Variants in NUFIP1 observed in about 807,000 individuals in gnomAD.
NUFIP1 encodes nuclear FMR1 interacting protein 1, also known as FMR1-interacting protein NUFIP1.
Under a neutral mutation model 56.2 loss-of-function variants are expected in NUFIP1, and 38 were observed. That is an observed-to-expected ratio of 0.68 (90% CI 0.52 to 0.89). The LOEUF (loss-of-function observed/expected upper bound fraction) is 0.89. Ranked by LOEUF, NUFIP1 falls within the 40% of genes least tolerant of loss-of-function variation. The pLI, the probability that NUFIP1 is intolerant of heterozygous loss-of-function variation, is 0.00. For synonymous variants in NUFIP1, 215 were observed against 212.4 expected (o/e 1.01, Z -0.10); for missense variants, 567 against 605.8 (o/e 0.94, Z 0.67).
At chr13:44,982,335 T>G (rs1479775137) in intron 1 of NUFIP1, among the ~76,000 whole-genome samples, 181 bp from the exon 2 acceptor site, 2 of 152,144 alleles carry the variant, frequency 1.3e-5, no homozygotes, top group Non-Finnish European at 2.9e-5. Context: ...AAATGACTAT[T>G]TTTCAAACAA....
intron 6 of NUFIP1, among the ~76,000 whole-genome samples, chr13:44,963,575 T>A: frequency 6.6e-6 from 1 of 152,216 alleles, no homozygotes. Flanking sequence ...TTTGCTAATA[T>A]GTCTTTTTTA....
At chr13:44,974,474 G>A (rs575394699) in intron 5 of NUFIP1, among the ~76,000 whole-genome samples, 15 of 152,228 alleles carry the variant, frequency 9.9e-5, no homozygotes, top group Admixed American at 7.8e-4. Flanking sequence ...AGAGGAGTAT[G>A]TCCAACTTTA....
At chr13:44,982,386 C>T (rs138010545) in intron 1 of NUFIP1, among the ~76,000 whole-genome samples, 210 of 152,178 alleles carry the variant, frequency 1.4e-3, no homozygotes, top group African/African-American at 4.8e-3. Context: ...AAACTTTAGG[C>T]GTCAAAGTGC....
intron 7 of NUFIP1, among the ~76,000 whole-genome samples, chr13:44,952,262 T>G (rs186070935): frequency 2.2e-4 from 33 of 152,134 alleles, no homozygotes; most frequent in Admixed American, 6.6e-4. Flanking sequence ...GTAGCTGGAA[T>G]TACAGGCACG....
At position 44,956,345 on chromosome 13, in the gene NUFIP1, C is replaced by T. The variant is rs377550209; in HGVS notation, c.1021+3036G>A. ...TTAAAGAACCTATGGCCTAAAACAA[C>T]GGTCCCCAGCCTTTCTGGCACGAGG... On this transcript the variant is annotated intron_variant, in intron 7 of 9. Coordinates refer to ENST00000379161, the MANE Select transcript of NUFIP1 (RefSeq NM_012345.3). Among the ~76,000 whole-genome samples, 72 of 152,142 alleles carry T rather than the reference C, an allele frequency of 4.7e-4. 1 individual carries two copies. The highest frequency in any genetic ancestry group is 1.6e-3 in the African/African-American group (66 of 41,534).
At chr13:44,956,738 C>G (rs1181079552) in intron 7 of NUFIP1, among the ~76,000 whole-genome samples, 1 of 152,142 alleles carries the variant, frequency 6.6e-6, no homozygotes, top group African/African-American at 2.4e-5. Context: ...GGTAGTAAGG[C>G]AGGCAATAGG....
chr13:44,985,273 T>A (rs1024044959), intron 1 of NUFIP1, among the ~76,000 whole-genome samples: 1 of 152,212 alleles, frequency 6.6e-6, no homozygotes, highest in Non-Finnish European at 1.5e-5. Context: ...ATCTGCTCCA[T>A]CCACATTCTT....
chr13:44,969,594 C>T (rs1360225392), intron 5 of NUFIP1, among the ~76,000 whole-genome samples: 3 of 152,168 alleles, frequency 2.0e-5, no homozygotes, highest in African/African-American at 4.8e-5. Flanking sequence ...TATCTTTCCT[C>T]AGTTCACTAA....
At chr13:44,943,376 A>ACACACACACACACACC in intron 9 of NUFIP1, 66 bp downstream of exon 9, 2 of 1,301,778 alleles carry the variant, frequency 1.5e-6, no homozygotes, top group African/African-American at 2.9e-5. Context: ...ACACACACAC[A>ACACACACACACACACC]CCCCAGTGGC....
intron 7 of NUFIP1, among the ~76,000 whole-genome samples, chr13:44,954,691 G>A (rs1871170972): frequency 6.6e-6 from 1 of 152,036 alleles, no homozygotes; most frequent in South Asian, 2.1e-4. Flanking sequence ...TCTAGCCCAA[G>A]ATTTGCAATT....
At chr13:44,961,868 G>A (rs1201850107) in intron 6 of NUFIP1, among the ~76,000 whole-genome samples, 1 of 152,194 alleles carries the variant, frequency 6.6e-6, no homozygotes, top group Non-Finnish European at 1.5e-5. Context: ...TAAGTAATGA[G>A]TTAAGAAGAT....
intron 3 of NUFIP1, among the ~76,000 whole-genome samples, 172 bp downstream of exon 3, chr13:44,980,550 G>A (rs1872151004): frequency 6.6e-6 from 1 of 152,112 alleles, no homozygotes; most frequent in South Asian, 2.1e-4. Context: ...TGAAGCAGCG[G>A]GATCCCCACT....
intron 6 of NUFIP1, among the ~76,000 whole-genome samples, chr13:44,963,307 T>G (rs1456805883): frequency 6.6e-6 from 1 of 152,208 alleles, no homozygotes; most frequent in Non-Finnish European, 1.5e-5. Flanking sequence ...CTATTCTAAG[T>G]GGTATCTTTT....
Position 44,979,920 on chromosome 13 carries a change from G to A in NUFIP1, c.627C>T (p.His209=), listed in dbSNP as rs138309260. ...CPELDCSFTA[H]EKIVQFHWRN... The stretch of plus-strand genomic sequence containing the variant: ...TCCAATGGAACTGGACAATCTTCTC[G>A]TGTGCAGTAAAAGAGCAATCTAATT... The change falls in exon 4 of 10, where the codon CAC becomes CAT. Residue 209 remains histidine (H), a synonymous_variant. Transcript: ENST00000379161. The A allele has an allele frequency of 1.2e-3, 1,932 of 1,603,142 alleles. 3 individuals carry two copies. Among genetic ancestry groups the A allele is most frequent in the South Asian group, 1.7e-3 (153 of 87,644 alleles).
chr13:44,981,761 A>C (rs2137924895), intron 2 of NUFIP1, among the ~76,000 whole-genome samples: 1 of 152,242 alleles, frequency 6.6e-6, no homozygotes, highest in East Asian at 1.9e-4. Flanking sequence ...GCAGTGAGCC[A>C]AGATCGTACC....
At chr13:44,982,992 C>T (rs1348979750) in intron 1 of NUFIP1, among the ~76,000 whole-genome samples, 1 of 152,128 alleles carries the variant, frequency 6.6e-6, no homozygotes, top group Non-Finnish European at 1.5e-5. Flanking sequence ...TAGGCAACAG[C>T]ACAAGACCCT....
Position 44,942,922 on chromosome 13 carries a change from C to T in NUFIP1, c.1371+520G>A, listed in dbSNP as rs377334551. ...TCGAGGCCACAGTGAGCTATGATCA[C>T]GCCACTACACTCCAGCTTGGGTGAC... On this transcript the variant is annotated intron_variant, in intron 9 of 9. Coordinates refer to ENST00000379161, the MANE Select transcript of NUFIP1 (RefSeq NM_012345.3). Among the ~76,000 whole-genome samples the T allele has an allele frequency of 4.6e-4, 68 of 148,846 alleles. 1 individual carries two copies. The highest frequency in any genetic ancestry group is 1.6e-3 in the African/African-American group (64 of 40,252).
chr13:44,969,061 CT>C (rs1163075580), intron 5 of NUFIP1, among the ~76,000 whole-genome samples: 1 of 152,080 alleles, frequency 6.6e-6, no homozygotes, highest in Non-Finnish European at 1.5e-5. Context: ...GGAAACTTGT[CT>C]TCCTAAAATT....
chr13:44,960,269 G>A (rs1454360519), intron 6 of NUFIP1, among the ~76,000 whole-genome samples: 3 of 150,280 alleles, frequency 2.0e-5, no homozygotes, highest in African/African-American at 4.9e-5. Context: ...GTTCACTCTT[G>A]TCTACTCATT....
Sources: gnomAD v4.1 joint callset for allele counts (sites outside exome capture counted in the v4.1 genomes callset) on GRCh38, gnomAD v4.1.1 for gene constraint, MANE v1.5 for transcripts, NCBI Gene and HGNC (gene_info 2026-07-23, HGNC 2026-07-21) for gene names.